NLRP5: variants seen among roughly 807,000 people sequenced by gnomAD.
The protein encoded by NLRP5 is NLR family pyrin domain containing 5.
In NLRP5, 93 loss-of-function variants were observed where a neutral mutation model predicts 113.1. The ratio of observed to expected loss-of-function variants is 0.82; its 90% CI spans 0.70 to 0.98. NLRP5 has a LOEUF of 0.98. NLRP5 is among the 50% of genes least tolerant of loss of function. The probability of loss-of-function intolerance (pLI) is 0.00; values close to 1 mark genes in which losing one functional copy is unlikely to be tolerated. For missense variants in NLRP5, 1,808 were observed against 1,514.3 expected (o/e 1.19, Z -3.22); for synonymous variants, 751 against 600.7 (o/e 1.25, Z -3.66).
At chr19:56,055,612 C>T (rs1984111302) in intron 13 of NLRP5, among the ~76,000 whole-genome samples, 1 of 129,566 alleles carries the variant, frequency 7.7e-6, no homozygotes, top group African/African-American at 2.8e-5. Flanking sequence ...GTGGCGCGAT[C>T]TCAGCTCACT....
At chr19:56,000,184 G>A (rs60232463) in intron 1 of NLRP5, among the ~76,000 whole-genome samples, 38 of 144,874 alleles carry the variant, frequency 2.6e-4, no homozygotes, top group East Asian at 1.0e-3. Context: ...CCACCTCTCC[G>A]CTCTTCTCAA....
Position 56,041,063 on chromosome 19 carries a change from G to A in NLRP5, c.2928G>A (p.Arg976=). 6.2e-7 allele frequency: 1 copy of A among 1,613,950 alleles called. No individual in the cohort carries two copies. Among genetic ancestry groups the A allele is most frequent in the Non-Finnish European group, 8.5e-7 (1 of 1,179,874 alleles). Residue 976 remains arginine, a synonymous_variant, in exon 11 of 15, where the codon AGG becomes AGA. Coordinates refer to ENST00000390649, the MANE Select transcript of NLRP5 (RefSeq NM_153447.4). Reference sequence around the variant, plus strand: ...TAAATCTACTGTGTCGATCCATGAGGCTTCCCCACTGTAGTCTGCAGAGGC... The same window carrying A: ...TAAATCTACTGTGTCGATCCATGAGACTTCCCCACTGTAGTCTGCAGAGGC...
intron 9 of NLRP5, among the ~76,000 whole-genome samples, chr19:56,036,543 C>G (rs144083264): frequency 1.5e-3 from 230 of 152,310 alleles, no homozygotes; most frequent in African/African-American, 5.2e-3. Flanking sequence ...AAACGAGATT[C>G]CTGCTCTCAT....
intron 9 of NLRP5, among the ~76,000 whole-genome samples, chr19:56,036,501 TACG>T (rs1272385113): frequency 6.6e-6 from 1 of 152,202 alleles, no homozygotes; most frequent in Admixed American, 6.5e-5. Flanking sequence ...CGTGTAGTAC[TACG>T]ACATGTTCCA....
intron 3 of NLRP5, 121 bp downstream of exon 3, chr19:56,008,974 C>A: frequency 1.2e-6 from 1 of 815,770 alleles, no homozygotes; most frequent in Non-Finnish European, 2.1e-6. Flanking sequence ...GTCTAACTAC[C>A]CTACATTAGC....
the NLRP5 span, among the ~76,000 whole-genome samples, chr19:55,992,993 G>A: frequency 3.3e-5 from 5 of 151,942 alleles, no homozygotes; most frequent in African/African-American, 1.2e-4. Context: ...GGGATTACGG[G>A]CACCTGCCAC....
At chr19:56,053,914 C>A in intron 13 of NLRP5, 106 bp downstream of exon 13, 1 of 1,059,200 alleles carries the variant, frequency 9.4e-7, no homozygotes, top group Non-Finnish European at 1.4e-6. Context: ...TCCATGAGTC[C>A]CTCAAGTTAG....
chr19:56,056,246 C>T (rs117974880), intron 13 of NLRP5, among the ~76,000 whole-genome samples: 442 of 152,264 alleles, frequency 2.9e-3, no homozygotes, highest in Middle Eastern at 6.8e-3. Context: ...CACCAGTACA[C>T]ACTTCCTCCT....
intron 11 of NLRP5, among the ~76,000 whole-genome samples, chr19:56,042,109 G>A (rs1049286161): frequency 6.6e-6 from 1 of 152,182 alleles, no homozygotes; most frequent in Non-Finnish European, 1.5e-5. Context: ...GTTCTTCTCT[G>A]CTCTGCACAC....
chr19:56,015,503 T>C (rs1404060544), intron 3 of NLRP5, among the ~76,000 whole-genome samples: 1 of 151,416 alleles, frequency 6.6e-6, no homozygotes, highest in Non-Finnish European at 1.5e-5. Flanking sequence ...GCATTGTTCA[T>C]TTTATTTTGT....
chr19:56,024,541 G>A (rs1473387830), intron 6 of NLRP5, among the ~76,000 whole-genome samples: 14 of 131,570 alleles, frequency 1.1e-4, no homozygotes, highest in African/African-American at 3.7e-4. Flanking sequence ...ATATGTATAT[G>A]TATGTATATG....
At chr19:56,039,465 G>T (rs1011165683) in intron 10 of NLRP5, among the ~76,000 whole-genome samples, 1 of 152,158 alleles carries the variant, frequency 6.6e-6, no homozygotes, top group Non-Finnish European at 1.5e-5. Flanking sequence ...GGCTCAGAGG[G>T]TGACATCTGA....
intron 2 of NLRP5, among the ~76,000 whole-genome samples, 158 bp from the exon 3 acceptor site, chr19:56,008,630 T>C (rs1325936096): frequency 6.6e-6 from 1 of 152,166 alleles, no homozygotes; most frequent in Non-Finnish European, 1.5e-5. Context: ...AAAGTCTGAC[T>C]TTGTTGTCTC....
intron 10 of NLRP5, 98 bp from the exon 11 acceptor site, chr19:56,040,824 A>C (rs57186151): frequency 1.1e-4 from 110 of 1,008,160 alleles, no homozygotes; most frequent in Middle Eastern, 3.0e-4. Flanking sequence ...CATGCCAACT[A>C]TGGGGGTGAT....
At chr19:55,998,435 C>T (rs1184411456), upstream of NLRP5, among the ~76,000 whole-genome samples, 1 of 151,916 alleles carries the variant, frequency 6.6e-6, no homozygotes, top group Non-Finnish European at 1.5e-5. Flanking sequence ...GGGTGGGCCA[C>T]AAGGTCAGGA....
intron 6 of NLRP5, among the ~76,000 whole-genome samples, chr19:56,023,547 G>A (rs1371281230): frequency 6.6e-6 from 1 of 152,188 alleles, no homozygotes; most frequent in Non-Finnish European, 1.5e-5. Flanking sequence ...CACACAAATT[G>A]AAGCGATGTG....
intron 13 of NLRP5, among the ~76,000 whole-genome samples, chr19:56,055,623 G>A (rs564045212): frequency 1.3e-3 from 169 of 131,226 alleles, no homozygotes; most frequent in Middle Eastern, 5.2e-3. Flanking sequence ...TCAGCTCACT[G>A]CAAGCTCCGC....
chr19:56,010,395 C>G (rs563759457), intron 3 of NLRP5, among the ~76,000 whole-genome samples: 1 of 152,216 alleles, frequency 6.6e-6, no homozygotes, highest in East Asian at 1.9e-4. Flanking sequence ...AAGGAGCTTA[C>G]ATCATAGGGG....
At chr19:55,999,855 C>T (rs1438989241) in intron 1 of NLRP5, 6 of 1,125,878 alleles carry the variant, frequency 5.3e-6, no homozygotes, top group African/African-American at 3.0e-5. Context: ...ACACACGGAT[C>T]GAATCCCCTG....
Sources: gnomAD v4.1 joint callset for allele counts (sites outside exome capture counted in the v4.1 genomes callset) on GRCh38, gnomAD v4.1.1 for gene constraint, MANE v1.5 for transcripts, NCBI Gene and HGNC (gene_info 2026-07-23, HGNC 2026-07-21) for gene names.